Variants in TASP1 observed in about 807,000 individuals in gnomAD.
The protein encoded by TASP1 is taspase 1.
In TASP1, 16 loss-of-function variants were observed where a neutral mutation model predicts 56.6. The observed-to-expected ratio is 0.28, with a 90% confidence interval of 0.19 to 0.43. TASP1 has a LOEUF of 0.43. Among genes scored for constraint, TASP1 ranks in the 20% least tolerant of loss-of-function variants. TASP1 has a pLI of 1.00. For synonymous variants in TASP1, 179 were observed against 184.2 expected (o/e 0.97, Z 0.23); for missense variants, 393 against 511.6 (o/e 0.77, Z 2.24).
At chr20:13,638,423 TC>T (rs938962740) in intron 1 of TASP1, among the ~76,000 whole-genome samples, 3 of 151,738 alleles carry the variant, frequency 2.0e-5, no homozygotes, top group Admixed American at 6.6e-5. Flanking sequence ...TTCTTCCTCC[TC>T]CTCCTCCCCC....
the TASP1 span, among the ~76,000 whole-genome samples, chr20:13,270,930 A>G: frequency 0.051 from 7,760 of 152,294 alleles, 264 homozygotes; most frequent in Admixed American, 0.085. Context: ...TGATTGTGAG[A>G]TGCACAATTA....
chr20:13,564,200 A>C (rs2046439209), intron 7 of TASP1, among the ~76,000 whole-genome samples: 1 of 152,176 alleles, frequency 6.6e-6, no homozygotes, highest in Non-Finnish European at 1.5e-5. Context: ...CCCCCAACAC[A>C]AACACACAAA....
intron 10 of TASP1, among the ~76,000 whole-genome samples, chr20:13,521,637 T>TG (rs2044759862): frequency 1.1e-4 from 3 of 27,396 alleles, no homozygotes; most frequent in African/African-American, 1.4e-4. Context: ...TGTTGTGGGG[T>TG]GGGGGAGGGG....
chr20:13,270,792 T>C, the TASP1 span: 387 of 1,571,620 alleles, frequency 2.5e-4, no homozygotes, highest in Non-Finnish European at 3.3e-4. Context: ...AGTCCATCTT[T>C]TGTTTTCTGA....
intron 8 of TASP1, among the ~76,000 whole-genome samples, chr20:13,556,444 G>C (rs1340100295): frequency 6.6e-6 from 1 of 152,150 alleles, no homozygotes; most frequent in East Asian, 1.9e-4. Context: ...ATGTGAATAA[G>C]AAAGCACTGT....
chr20:13,248,001 T>C, the TASP1 span, among the ~76,000 whole-genome samples: 1 of 152,112 alleles, frequency 6.6e-6, no homozygotes, highest in Non-Finnish European at 1.5e-5. Context: ...TTGTTCATCG[T>C]GTGTCAGTGT....
chr20:13,212,941 C>T, the TASP1 span, among the ~76,000 whole-genome samples: 3 of 152,118 alleles, frequency 2.0e-5, no homozygotes, highest in Non-Finnish European at 4.4e-5. Context: ...GAAATCCTCG[C>T]CACAAGCATT....
intron 11 of TASP1, among the ~76,000 whole-genome samples, chr20:13,438,912 T>A (rs905645675): frequency 6.6e-6 from 1 of 152,170 alleles, no homozygotes; most frequent in South Asian, 2.1e-4. Context: ...AAAATGCTCA[T>A]CATCACTGGC....
intron 7 of TASP1, 48 bp downstream of exon 7, chr20:13,569,459 T>C (rs750892068): frequency 2.9e-6 from 4 of 1,393,176 alleles, no homozygotes; most frequent in Middle Eastern, 2.2e-4. Context: ...TATTATACTT[T>C]AGGTATATAT....
chr20:13,151,951 A>C, the TASP1 span, among the ~76,000 whole-genome samples: 2 of 152,010 alleles, frequency 1.3e-5, no homozygotes, highest in African/African-American at 4.8e-5. Context: ...GCTGTCAAAC[A>C]CTTGCTCAGC....
the TASP1 span, among the ~76,000 whole-genome samples, chr20:13,282,455 T>A: frequency 4.6e-5 from 7 of 152,358 alleles, no homozygotes; most frequent in East Asian, 1.4e-3. Context: ...GAGTACAGTT[T>A]GCTGAATTTA....
the TASP1 span, among the ~76,000 whole-genome samples, chr20:13,340,720 T>G: frequency 6.6e-6 from 1 of 152,218 alleles, no homozygotes; most frequent in East Asian, 1.9e-4. Context: ...AATAAATTAT[T>G]GCGAAGTCTT....
intron 11 of TASP1, among the ~76,000 whole-genome samples, chr20:13,438,184 C>A (rs977711885): frequency 6.6e-6 from 1 of 152,140 alleles, no homozygotes; most frequent in Non-Finnish European, 1.5e-5. Flanking sequence ...CAAAAAGGAG[C>A]CCGCATTGCC....
chr20:13,152,772 C>A, the TASP1 span, among the ~76,000 whole-genome samples: 1 of 152,162 alleles, frequency 6.6e-6, no homozygotes, highest in African/African-American at 2.4e-5. Context: ...CAGTATGGTT[C>A]TCTGGAGGAG....
the TASP1 span, chr20:13,288,769 A>G: frequency 7.3e-7 from 1 of 1,373,116 alleles, no homozygotes; most frequent in South Asian, 1.3e-5. Flanking sequence ...TGTCTTTTTA[A>G]AAGATGCACT....
intron 1 of TASP1, among the ~76,000 whole-genome samples, chr20:13,634,331 C>T (rs545714447): frequency 4.7e-4 from 72 of 152,284 alleles, no homozygotes; most frequent in African/African-American, 1.6e-3. Context: ...ATAAGCAAAT[C>T]TAAAGAGACA....
Position 13,403,329 on chromosome 20 carries a change from A to G in TASP1, c.1171-12877T>C, listed in dbSNP as rs952557504. Among the ~76,000 whole-genome samples, 3 of 152,176 alleles carry G rather than the reference A, an allele frequency of 2.0e-5. No individual in the cohort carries two copies. In the East Asian group the frequency reaches 5.8e-4, roughly 29 times the overall value. On this transcript the variant is annotated intron_variant, in intron 13 of 13. Transcript: ENST00000337743. The stretch of plus-strand genomic sequence containing the variant: ...AAATTCAGGTGGCATCACTCTTGTC[A>G]TAGTCAATATAAATGCCACCTTTGG...
chr20:13,429,639 TCTGTGTGTGTGC>T (rs776333253), intron 12 of TASP1, among the ~76,000 whole-genome samples: 5,623 of 145,698 alleles, frequency 0.039, 125 homozygotes, highest in African/African-American at 0.064. Context: ...TGTGTGTCTG[TCTGTGTGTGTGC>T]CTGTCTGTGT....
intron 1 of TASP1, 42 bp from the exon 2 acceptor site, chr20:13,630,194 C>A: frequency 9.1e-7 from 1 of 1,093,222 alleles, no homozygotes; most frequent in Non-Finnish European, 1.3e-6. Context: ...TTCTTTCCAC[C>A]AACACATAAG....
Sources: gnomAD v4.1 joint callset for allele counts (sites outside exome capture counted in the v4.1 genomes callset) on GRCh38, gnomAD v4.1.1 for gene constraint, MANE v1.5 for transcripts, NCBI Gene and HGNC (gene_info 2026-07-23, HGNC 2026-07-21) for gene names.